Variants in ESRP1 observed in about 807,000 individuals in gnomAD.
ESRP1 encodes epithelial splicing regulatory protein 1, also known as RNA-binding motif protein 35A.
A neutral mutation model predicts 81.7 loss-of-function variants in ESRP1; 33 were observed. The ratio of observed to expected loss-of-function variants is 0.40; its 90% CI spans 0.31 to 0.54. The LOEUF (loss-of-function observed/expected upper bound fraction) is 0.54, where lower values mean the gene tolerates loss of function less well. ESRP1 is among the 20% of genes least tolerant of loss of function. The pLI is 0.41. For synonymous variants in ESRP1, 320 were observed against 303.3 expected (o/e 1.06, Z -0.57); for missense variants, 672 against 833.1 (o/e 0.81, Z 2.38).
At chr8:94,671,330 A>G in intron 10 of ESRP1, 123 bp from the exon 11 acceptor site, 1 of 663,388 alleles carries the variant, frequency 1.5e-6, no homozygotes, top group Non-Finnish European at 2.5e-6. Flanking sequence ...ATTCATATTT[A>G]TTAGGTCTGG....
intron 8 of ESRP1, 30 bp downstream of exon 8, chr8:94,665,089 A>G (rs775868293): frequency 3.7e-6 from 6 of 1,613,774 alleles, no homozygotes; most frequent in South Asian, 3.3e-5. Context: ...ACCCCTGGAC[A>G]TCGTGAATGA....
chr8:94,675,553 T>G (rs1188319731), intron 12 of ESRP1, among the ~76,000 whole-genome samples: 1 of 152,222 alleles, frequency 6.6e-6, no homozygotes, highest in Non-Finnish European at 1.5e-5. Flanking sequence ...TGATCATTAA[T>G]AAGTATGAAG....
At chr8:94,684,153 A>T (rs1809044266) in intron 13 of ESRP1, among the ~76,000 whole-genome samples, 1 of 152,084 alleles carries the variant, frequency 6.6e-6, no homozygotes. Context: ...GCCTTGGGGT[A>T]AATTTAAGTT....
intron 4 of ESRP1, among the ~76,000 whole-genome samples, chr8:94,653,485 T>C (rs1232787402): frequency 6.6e-6 from 1 of 152,212 alleles, no homozygotes; most frequent in Admixed American, 6.5e-5. Context: ...TGACTGATCC[T>C]GTGGACCCCA....
In ESRP1 at chr8:94,705,985, CA is replaced by C. The variant is rs1810059034; in HGVS notation, c.*97del. ...GACACAAGAAAACTTCTAGCAAATT[CA>C]GGGGAAGTTTGTCTACACTCAGGCT... On this transcript the variant is annotated 3_prime_UTR_variant, in exon 16 of 16. Coordinates refer to ENST00000433389, the MANE Select transcript of ESRP1 (RefSeq NM_017697.4). 1.3e-6 allele frequency: 2 copies of C among 1,510,806 alleles called. No individual in the cohort carries two copies. Among genetic ancestry groups the C allele is most frequent in the Non-Finnish European group, 1.8e-6 (2 of 1,129,980 alleles). 93.6% of individuals were successfully genotyped at this position (1,510,806 alleles called of 1,614,324 possible). A position where few individuals can be genotyped will look rare whatever the true frequency, so the allele number is the denominator to read the frequency against.
chr8:94,674,571 C>G (rs1012230198), intron 12 of ESRP1, 65 bp downstream of exon 12: 7 of 1,455,510 alleles, frequency 4.8e-6, no homozygotes, highest in Admixed American at 2.4e-5. Flanking sequence ...AAGCTGCTTT[C>G]GTAACTTTCT....
chr8:94,704,991 C>A (rs1316794947), intron 15 of ESRP1, among the ~76,000 whole-genome samples: 1 of 151,898 alleles, frequency 6.6e-6, no homozygotes, highest in East Asian at 1.9e-4. Flanking sequence ...CTTAATCATT[C>A]TGTGCTTCAG....
chr8:94,671,307 A>T, intron 10 of ESRP1, 146 bp from the exon 11 acceptor site: 1 of 588,094 alleles, frequency 1.7e-6, no homozygotes, highest in Non-Finnish European at 2.9e-6. Flanking sequence ...TTGAAGATTC[A>T]GTTCAGATGA....
intron 11 of ESRP1, among the ~76,000 whole-genome samples, chr8:94,672,973 T>A (rs138001878): frequency 6.6e-6 from 1 of 152,358 alleles, no homozygotes; most frequent in East Asian, 1.9e-4. Context: ...ACTTGGAGAT[T>A]TGGTCACTTT....
chr8:94,671,722 G>A (rs1204497277), intron 11 of ESRP1, 51 bp downstream of exon 11: 8 of 1,266,612 alleles, frequency 6.3e-6, no homozygotes, highest in Non-Finnish European at 7.8e-6. Context: ...CACTACATAT[G>A]AGAAATATCT....
intron 13 of ESRP1, among the ~76,000 whole-genome samples, chr8:94,685,952 A>T (rs1198105657): frequency 6.6e-6 from 1 of 152,074 alleles, no homozygotes; most frequent in African/African-American, 2.4e-5. Context: ...ATACCTATAT[A>T]TGTTGTTTTG....
intron 13 of ESRP1, among the ~76,000 whole-genome samples, chr8:94,683,302 G>A (rs938361341): frequency 6.6e-6 from 1 of 152,110 alleles, no homozygotes; most frequent in African/African-American, 2.4e-5. Context: ...TCTTTGGTTT[G>A]TTGTGTTACT....
intron 13 of ESRP1, among the ~76,000 whole-genome samples, chr8:94,687,551 CA>C (rs1367369219): frequency 4.6e-5 from 7 of 152,186 alleles, no homozygotes; most frequent in Non-Finnish European, 1.0e-4. Context: ...TTCCCACTAA[CA>C]ATATATAAAG....
At chr8:94,700,023 G>A (rs1025834648) in intron 15 of ESRP1, among the ~76,000 whole-genome samples, 7 of 152,160 alleles carry the variant, frequency 4.6e-5, no homozygotes, top group African/African-American at 1.7e-4. Flanking sequence ...CCTGCAAAGA[G>A]GCATCATGGG....
chr8:94,691,381 A>G (rs1215918116), intron 13 of ESRP1, among the ~76,000 whole-genome samples: 2 of 152,242 alleles, frequency 1.3e-5, no homozygotes, highest in Non-Finnish European at 2.9e-5. Context: ...AATGTAAAGT[A>G]ATAGTTCAGG....
Position 94,641,420 on chromosome 8 carries a change from C to G in ESRP1, c.102C>G (p.Phe34Leu), listed in dbSNP as rs768334308. Reference sequence around the variant, plus strand: ...ATGAGAAGGAGTTGATCCTGCTGTTCTGGAAAGTCGTGGATCTGGCCAACA... The same window carrying G: ...ATGAGAAGGAGTTGATCCTGCTGTTGTGGAAAGTCGTGGATCTGGCCAACA... ...GSDEKELILL[F>L]WKVVDLANKK... Residue 34 changes from phenylalanine (F) to leucine (L), a missense_variant, in exon 1 of 16, where the codon TTC becomes TTG. Physicochemically the swap from Phe to Leu is conservative, Grantham distance 22. Coordinates refer to ENST00000433389, the MANE Select transcript of ESRP1 (RefSeq NM_017697.4). The G allele has an allele frequency of 4.3e-6, 7 of 1,613,898 alleles. No individual in the cohort carries two copies. In the South Asian group the frequency reaches 5.5e-5, roughly 13 times the overall value.
intron 11 of ESRP1, 110 bp downstream of exon 11, chr8:94,671,781 AGTCTTT>A: frequency 1.5e-6 from 1 of 649,730 alleles, no homozygotes; most frequent in Non-Finnish European, 2.4e-6. Flanking sequence ...ATTAGATATT[AGTCTTT>A]GATAAATAAA....
chr8:94,645,735 T>C (rs1174124525), intron 3 of ESRP1, among the ~76,000 whole-genome samples: 1 of 152,176 alleles, frequency 6.6e-6, no homozygotes, highest in East Asian at 1.9e-4. Context: ...TAGAACCCAA[T>C]AGTTAGAACT....
Position 94,682,869 on chromosome 8 carries a change from C to CAT in ESRP1, c.1820+4507_1820+4508dup, listed in dbSNP as rs554057925. On this transcript the variant is annotated intron_variant, in intron 13 of 15. Coordinates refer to ENST00000433389, the MANE Select transcript of ESRP1 (RefSeq NM_017697.4). Reference sequence around the variant, plus strand: ...ATGAATATATATATGTGTGTATATACATATATATATTCATTATTCAATATA... The same window carrying CAT: ...ATGAATATATATATGTGTGTATATACATATATATATATTCATTATTCAATATA... 6.0e-3 allele frequency among the ~76,000 whole-genome samples: 655 copies of CAT among 109,564 alleles called. 6 individuals carry two copies. The highest frequency in any genetic ancestry group is 0.022 in the African/African-American group (606 of 28,118). The allele number at this position is 109,564 out of a possible 152,430, so 71.9% of individuals were successfully genotyped here. A position where few individuals can be genotyped will look rare whatever the true frequency, so the allele number is the denominator to read the frequency against.
Sources: allele counts gnomAD v4.1 joint callset (sites outside exome capture counted in the v4.1 genomes callset), GRCh38; gene constraint gnomAD v4.1.1; transcripts MANE v1.5; gene names NCBI Gene and HGNC (gene_info 2026-07-23, HGNC 2026-07-21).